KREMEN1: variants seen among roughly 807,000 people sequenced by gnomAD.
KREMEN1 encodes kringle containing transmembrane protein 1.
A neutral mutation model predicts 46.5 loss-of-function variants in KREMEN1; 30 were observed. The observed-to-expected ratio is 0.65, with a 90% confidence interval of 0.48 to 0.88. The LOEUF (loss-of-function observed/expected upper bound fraction) is 0.88. Ranked by LOEUF, KREMEN1 falls within the 40% of genes least tolerant of loss-of-function variation. The pLI is 0.00. For synonymous variants in KREMEN1, 214 were observed against 230.6 expected, an observed-to-expected ratio of 0.93 and a Z score of 0.65; for missense variants, 533 against 596.9, an observed-to-expected ratio of 0.89 and a Z score of 1.11.
At chr22:29,127,352 G>A (rs2038461108) in intron 5 of KREMEN1, among the ~76,000 whole-genome samples, 1 of 152,166 alleles carries the variant, frequency 6.6e-6, no homozygotes, top group East Asian at 1.9e-4. Flanking sequence ...AGAATGCAGT[G>A]TCAATTAAAA....
At chr22:29,133,427 A>C (rs2038600006) in intron 5 of KREMEN1, among the ~76,000 whole-genome samples, 1 of 151,852 alleles carries the variant, frequency 6.6e-6, no homozygotes, top group South Asian at 2.1e-4. Flanking sequence ...TAGCCTCCTG[A>C]GTAGCTGGGA....
chr22:29,137,169 A>T (rs1056275787), intron 5 of KREMEN1, among the ~76,000 whole-genome samples, 173 bp from the exon 6 acceptor site: 2 of 152,150 alleles, frequency 1.3e-5, no homozygotes, highest in Admixed American at 6.5e-5. Flanking sequence ...ACATCTCCAC[A>T]GTCATTTTTC....
At chr22:29,137,075 T>A (rs2038671814) in intron 5 of KREMEN1, among the ~76,000 whole-genome samples, 1 of 152,050 alleles carries the variant, frequency 6.6e-6, no homozygotes, top group South Asian at 2.1e-4. Flanking sequence ...CAGTCCCAAG[T>A]CCAGACTCTC....
intron 1 of KREMEN1, among the ~76,000 whole-genome samples, chr22:29,077,573 T>A (rs938213515): frequency 2.0e-5 from 3 of 152,236 alleles, no homozygotes; most frequent in Admixed American, 2.0e-4. Context: ...GGGAATTTCC[T>A]ATAATTTTTA....
chr22:29,134,807 A>G (rs1267971008), intron 5 of KREMEN1, among the ~76,000 whole-genome samples: 1 of 152,138 alleles, frequency 6.6e-6, no homozygotes, highest in African/African-American at 2.4e-5. Context: ...TGGAGCCTAG[A>G]GTACCCGTGA....
At chr22:29,075,718 C>T (rs945696309) in intron 1 of KREMEN1, among the ~76,000 whole-genome samples, 1 of 152,184 alleles carries the variant, frequency 6.6e-6, no homozygotes, top group Non-Finnish European at 1.5e-5. Flanking sequence ...CATACACACA[C>T]ACACATACAC....
intron 1 of KREMEN1, among the ~76,000 whole-genome samples, chr22:29,077,236 G>A (rs192399666): frequency 2.0e-5 from 3 of 152,346 alleles, no homozygotes; most frequent in Non-Finnish European, 4.4e-5. Context: ...TATACTATCT[G>A]TGTTGCAATT....
chr22:29,157,026 A>G (rs1352074871), intron 9 of KREMEN1, among the ~76,000 whole-genome samples: 2 of 152,218 alleles, frequency 1.3e-5, no homozygotes, highest in Non-Finnish European at 2.9e-5. Flanking sequence ...AAGTGGGGGT[A>G]AAGATGGACT....
intron 3 of KREMEN1, among the ~76,000 whole-genome samples, chr22:29,110,673 C>CG (rs2038133961): frequency 6.6e-6 from 1 of 152,016 alleles, no homozygotes; most frequent in Non-Finnish European, 1.5e-5. Context: ...CTGTAAGACT[C>CG]GGGGGCACAA....
At chr22:29,128,666 T>G (rs776255721) in intron 5 of KREMEN1, among the ~76,000 whole-genome samples, 2 of 152,156 alleles carry the variant, frequency 1.3e-5, no homozygotes, top group African/African-American at 4.8e-5. Flanking sequence ...CAACAATTAT[T>G]GCTATTTACT....
At chr22:29,110,890 C>T (rs1204700694) in intron 3 of KREMEN1, among the ~76,000 whole-genome samples, 1 of 152,052 alleles carries the variant, frequency 6.6e-6, no homozygotes, top group African/African-American at 2.4e-5. Context: ...CCACACTTAA[C>T]CTGTTGATGC....
chr22:29,091,214 C>T (rs1234289738), intron 1 of KREMEN1, among the ~76,000 whole-genome samples: 1 of 152,184 alleles, frequency 6.6e-6, no homozygotes, highest in Non-Finnish European at 1.5e-5. Context: ...CTCAGGTGAT[C>T]CGCTCGCCTC....
chr22:29,142,223 TC>T lies in KREMEN1; in HGVS notation c.*112del, dbSNP rs2038775617. 1 of 1,399,430 alleles carries T rather than the reference TC, an allele frequency of 7.1e-7. No individual in the cohort carries two copies. The highest frequency in any genetic ancestry group is 1.5e-5 in the African/African-American group (1 of 67,812). The allele number at this position is 1,399,430 out of a possible 1,614,324, so 86.7% of individuals were successfully genotyped here. On this transcript the variant is annotated 3_prime_UTR_variant, in exon 9 of 9. Transcript: ENST00000400335. Reference sequence around the variant, plus strand: ...ACTCTTCCCCTCCTCTCCCTCTGCCTCGGCCTCTTCGGGGAAACCCTCCTCC... The same window carrying T: ...ACTCTTCCCCTCCTCTCCCTCTGCCTGGCCTCTTCGGGGAAACCCTCCTCC...
intron 3 of KREMEN1, among the ~76,000 whole-genome samples, chr22:29,105,111 G>A (rs1276676471): frequency 6.6e-6 from 1 of 152,178 alleles, no homozygotes; most frequent in East Asian, 1.9e-4. Flanking sequence ...TATAATAAGT[G>A]AGGTGAGCAA....
At chr22:29,074,444 G>A (rs2037533865) in intron 1 of KREMEN1, among the ~76,000 whole-genome samples, 2 of 152,264 alleles carry the variant, frequency 1.3e-5, no homozygotes, top group East Asian at 3.8e-4. Context: ...TCTTCCCGAG[G>A]TGAGGCCCTG....
intron 2 of KREMEN1, 72 bp downstream of exon 2, chr22:29,094,492 C>A: frequency 7.2e-7 from 1 of 1,390,252 alleles, no homozygotes; most frequent in Non-Finnish European, 9.8e-7. Flanking sequence ...CCCTTTCATC[C>A]CAGCTCACAA....
intron 5 of KREMEN1, among the ~76,000 whole-genome samples, chr22:29,131,689 T>C (rs534813506): frequency 8.3e-6 from 1 of 120,206 alleles, no homozygotes; most frequent in Admixed American, 8.4e-5. Context: ...CATATATACA[T>C]GTATATATGT....
chr22:29,141,226 C>CGTGTGTGTGTGTGTGTGTGTGTGTGT (rs132278), intron 8 of KREMEN1, among the ~76,000 whole-genome samples: 1 of 148,536 alleles, frequency 6.7e-6, no homozygotes, highest in African/African-American at 2.5e-5. Flanking sequence ...ATAATGTCCT[C>CGTGTGTGTGTGTGTGTGTGTGTGTGT]GTGTGTGTGT....
At chr22:29,152,580 C>T (rs539495044) in intron 9 of KREMEN1, among the ~76,000 whole-genome samples, 2 of 152,306 alleles carry the variant, frequency 1.3e-5, no homozygotes, top group South Asian at 4.1e-4. Flanking sequence ...TCTGCCCTAG[C>T]GGGAGACAGA....
Sources: allele counts gnomAD v4.1 joint callset (sites outside exome capture counted in the v4.1 genomes callset), GRCh38; gene constraint gnomAD v4.1.1; transcripts MANE v1.5; gene names NCBI Gene and HGNC (gene_info 2026-07-23, HGNC 2026-07-21).